DLG2: variants seen among roughly 807,000 people sequenced by gnomAD.
DLG2 encodes the protein discs large MAGUK scaffold protein 2, also known as disks large homolog 2.
DLG2 carries 45 observed loss-of-function variants against 132.5 expected under a neutral mutation model. The ratio of observed to expected loss-of-function variants is 0.34; its 90% CI spans 0.27 to 0.44. DLG2 has a LOEUF of 0.44. Among genes scored for constraint, DLG2 ranks in the 20% least tolerant of loss-of-function variants. The pLI is 1.00. For missense variants in DLG2, 1,045 were observed against 1,196.9 expected (o/e 0.87, Z 1.87); for synonymous variants, 424 against 419.6 (o/e 1.01, Z -0.13).
chr11:83,843,663 C>A (rs1348319026), intron 16 of DLG2, among the ~76,000 whole-genome samples: 1 of 151,942 alleles, frequency 6.6e-6, no homozygotes, highest in East Asian at 1.9e-4. Context: ...CTAGTTCTGG[C>A]TCTCTTGGGA....
intron 19 of DLG2, among the ~76,000 whole-genome samples, chr11:83,620,698 G>T (rs571045192): frequency 6.6e-5 from 10 of 150,922 alleles, no homozygotes; most frequent in African/African-American, 2.4e-4. Flanking sequence ...GTGAAACCCC[G>T]TCTCTACTAA....
intron 6 of DLG2, among the ~76,000 whole-genome samples, chr11:84,848,105 C>G (rs1299195975): frequency 6.6e-6 from 1 of 152,082 alleles, no homozygotes; most frequent in Non-Finnish European, 1.5e-5. Flanking sequence ...GAGAACTATT[C>G]CCGGAGAGCA....
At chr11:83,574,495 AT>A (rs2096844708) in intron 19 of DLG2, among the ~76,000 whole-genome samples, 1 of 152,180 alleles carries the variant, frequency 6.6e-6, no homozygotes, top group Admixed American at 6.6e-5. Context: ...GCCTTTTAAA[AT>A]TTTTATGTGC....
chr11:83,917,683 C>T (rs1426846009), intron 15 of DLG2, among the ~76,000 whole-genome samples: 1 of 152,138 alleles, frequency 6.6e-6, no homozygotes, highest in African/African-American at 2.4e-5. Context: ...GAAGAGCTTC[C>T]ATTAAATGTG....
intron 17 of DLG2, chr11:83,791,253 G>A (rs7118583): frequency 0.18 from 116,707 of 647,622 alleles, 12,171 homozygotes; most frequent in South Asian, 0.29. Flanking sequence ...GTGCTGAGGA[G>A]GAGGAGAAGG....
chr11:84,826,996 G>A (rs1168296846), intron 6 of DLG2, among the ~76,000 whole-genome samples: 2 of 151,770 alleles, frequency 1.3e-5, no homozygotes, highest in Non-Finnish European at 2.9e-5. Flanking sequence ...GGATTGAAGA[G>A]TATTAACAAA....
intron 6 of DLG2, among the ~76,000 whole-genome samples, chr11:85,007,664 C>CAAAAAAAAAAAAAAAAAAAAAA (rs57188165): frequency 1.4e-4 from 12 of 88,520 alleles, no homozygotes; most frequent in Middle Eastern, 7.0e-3. Flanking sequence ...GACTCCGTCT[C>CAAAAAAAAAAAAAAAAAAAAAA]AAAAAAAAAA....
intron 18 of DLG2, among the ~76,000 whole-genome samples, chr11:83,648,572 A>G (rs2068989617): frequency 6.6e-6 from 1 of 152,208 alleles, no homozygotes; most frequent in African/African-American, 2.4e-5. Flanking sequence ...CTGAGGTGTC[A>G]GCAACCCTTG....
At chr11:83,873,842 C>T (rs142705888) in intron 16 of DLG2, among the ~76,000 whole-genome samples, 3 of 152,322 alleles carry the variant, frequency 2.0e-5, no homozygotes, top group East Asian at 3.9e-4. Context: ...CCCTAGTACC[C>T]TTTGGATGAC....
intron 3 of DLG2, among the ~76,000 whole-genome samples, chr11:85,466,400 A>T (rs2092792037): frequency 1.3e-5 from 2 of 152,084 alleles, no homozygotes; most frequent in South Asian, 4.1e-4. Context: ...CTATGTCCTG[A>T]ATGGTATTGC....
At position 84,599,082 on chromosome 11, in the gene DLG2, T is replaced by C. The variant is rs566340728; in HGVS notation, c.358-64351A>G. Among the ~76,000 whole-genome samples, 27 of 149,402 alleles carry C rather than the reference T, an allele frequency of 1.8e-4. No individual in the cohort carries two copies. In the Middle Eastern group the frequency reaches 0.023, roughly 125 times the overall value. On this transcript the variant is annotated intron_variant, in intron 6 of 27. Coordinates refer to ENST00000376104, the MANE Select transcript of DLG2 (RefSeq NM_001142699.3). ...CAACATGGTGAAACCCCATCTCTACTAAAAATACAAAATTTAGCCGGGCAT... is the reference window on the plus strand; with the variant it reads ...CAACATGGTGAAACCCCATCTCTACCAAAAATACAAAATTTAGCCGGGCAT...
intron 21 of DLG2, among the ~76,000 whole-genome samples, chr11:83,531,288 A>G (rs892882774): frequency 2.0e-5 from 3 of 152,014 alleles, no homozygotes; most frequent in African/African-American, 4.8e-5. Flanking sequence ...ACCCAACTAT[A>G]TAAAGAACTT....
chr11:85,023,698 G>A (rs951824083), intron 6 of DLG2, among the ~76,000 whole-genome samples: 3 of 151,862 alleles, frequency 2.0e-5, no homozygotes, highest in African/African-American at 7.3e-5. Context: ...ACTATATCTC[G>A]ATAACTATTC....
intron 7 of DLG2, among the ~76,000 whole-genome samples, chr11:84,299,988 C>G (rs1024448340): frequency 6.6e-6 from 1 of 151,878 alleles, no homozygotes; most frequent in Non-Finnish European, 1.5e-5. Flanking sequence ...ATAAGAACAA[C>G]GTGTTTGTAA....
chr11:84,556,546 A>T (rs1219775023), intron 6 of DLG2, among the ~76,000 whole-genome samples: 1 of 152,158 alleles, frequency 6.6e-6, no homozygotes, highest in South Asian at 2.1e-4. Flanking sequence ...TAAATTGCAA[A>T]ACAGTCCCAC....
chr11:83,855,195 C>G (rs2060340450), intron 16 of DLG2, among the ~76,000 whole-genome samples: 1 of 152,100 alleles, frequency 6.6e-6, no homozygotes, highest in Non-Finnish European at 1.5e-5. Context: ...AGGATGTGTA[C>G]CTGCACTTAT....
At chr11:85,370,755 C>A (rs2084913303) in intron 3 of DLG2, among the ~76,000 whole-genome samples, 1 of 152,104 alleles carries the variant, frequency 6.6e-6, no homozygotes, top group East Asian at 1.9e-4. Context: ...CTTCAGAGGG[C>A]CCCTGACGTG....
intron 6 of DLG2, among the ~76,000 whole-genome samples, chr11:84,957,726 T>C (rs2051910227): frequency 6.6e-6 from 1 of 152,246 alleles, no homozygotes; most frequent in African/African-American, 2.4e-5. Flanking sequence ...TGGCGTTCTC[T>C]ACCTCAGTGA....
chr11:83,906,081 CTATATATA>C (rs773692866), intron 15 of DLG2, among the ~76,000 whole-genome samples: 61 of 96,630 alleles, frequency 6.3e-4, no homozygotes, highest in Admixed American at 2.2e-3. Context: ...CTCTCTCTCT[CTATATATA>C]TATATATATA....
Sources: allele counts gnomAD v4.1 joint callset (sites outside exome capture counted in the v4.1 genomes callset), GRCh38; gene constraint gnomAD v4.1.1; transcripts MANE v1.5; gene names NCBI Gene and HGNC (gene_info 2026-07-23, HGNC 2026-07-21).